Variants in TRDMT1 observed in about 807,000 individuals in gnomAD.
TRDMT1 encodes tRNA (cytosine(38)-C(5))-methyltransferase.
A neutral mutation model predicts 51.2 loss-of-function variants in TRDMT1; 49 were observed. The observed-to-expected ratio is 0.96, with a 90% CI of 0.76 to 1.21. TRDMT1 has a LOEUF of 1.21. TRDMT1 is among the 50% of genes most tolerant of loss of function. TRDMT1 has a pLI of 0.00. For synonymous variants in TRDMT1, 187 were observed against 164.6 expected, an observed-to-expected ratio of 1.14 and a Z score of -1.04; for missense variants, 534 against 462.3, an observed-to-expected ratio of 1.16 and a Z score of -1.42.
At chr10:17,189,949 G>A (rs1844467869) in intron 1 of TRDMT1, among the ~76,000 whole-genome samples, 1 of 152,034 alleles carries the variant, frequency 6.6e-6, no homozygotes, top group Non-Finnish European at 1.5e-5. Flanking sequence ...AATCAGTAAT[G>A]GATGCACAAG....
In TRDMT1 at chr10:17,174,622, C is replaced by T; in HGVS notation, c.103G>A (p.Val35Ile). ...TATACTTCATTAGCGACAGTGTTGA[C>T]ATCAATGGCAGCCACCACTTGTGCA... Reference protein sequence around the residue: ...IPAQVVAAIDVNTVANEVYKY... With the variant: ...IPAQVVAAIDINTVANEVYKY... Residue 35 changes from valine (V) to isoleucine (I), a missense_variant, in exon 2 of 11, where the codon GTC becomes ATC. By Grantham distance (29) the Val-to-Ile change is conservative (BLOSUM62 3). Transcript: ENST00000377799. The T allele has an allele frequency of 6.2e-7, 1 of 1,614,022 alleles. No individual in the cohort carries two copies. Among genetic ancestry groups the T allele is most frequent in the Non-Finnish European group, 8.5e-7 (1 of 1,179,972 alleles).
chr10:17,155,401 C>A (rs1839369817), intron 8 of TRDMT1, among the ~76,000 whole-genome samples: 1 of 152,078 alleles, frequency 6.6e-6, no homozygotes, highest in African/African-American at 2.4e-5. Context: ...GGCTCCCTTG[C>A]CACATTAACC....
intron 1 of TRDMT1, among the ~76,000 whole-genome samples, chr10:17,176,376 G>T (rs1842619416): frequency 6.6e-6 from 1 of 152,068 alleles, no homozygotes. Flanking sequence ...TGCTGAATCT[G>T]CACTGTAATC....
Position 17,148,209 on chromosome 10 carries a change from G to C in TRDMT1, c.*831C>G, listed in dbSNP as rs999044323. 5.1e-6 allele frequency: 5 copies of C among 985,264 alleles called. No homozygotes were observed. The African/African-American group carries it at 5.2e-5, about 10-fold the overall frequency. The allele number at this position is 985,264 out of a possible 1,614,324, so 61.0% of individuals were successfully genotyped here. A position where few individuals can be genotyped will look rare whatever the true frequency, so the allele number is the denominator to read the frequency against. On this transcript the variant is annotated 3_prime_UTR_variant, in exon 11 of 11. Coordinates refer to ENST00000377799, the MANE Select transcript of TRDMT1 (RefSeq NM_004412.7). Reference sequence around the variant, plus strand: ...ATGTTGCTACAATAAAGAACAACTGGGGGGAGGGGAGTACTGTCATATGAC... The same window carrying C: ...ATGTTGCTACAATAAAGAACAACTGCGGGGAGGGGAGTACTGTCATATGAC...
At chr10:17,198,071 A>G (rs1410096446) in intron 1 of TRDMT1, among the ~76,000 whole-genome samples, 1 of 152,122 alleles carries the variant, frequency 6.6e-6, no homozygotes, top group African/African-American at 2.4e-5. Flanking sequence ...GATGCTCAAC[A>G]TCTTTAGTTA....
chr10:17,142,930 G>A lies in TRDMT1; in HGVS notation c.*6110C>T. On this transcript the variant is annotated 3_prime_UTR_variant, in exon 11 of 11. Coordinates refer to ENST00000377799, the MANE Select transcript of TRDMT1 (RefSeq NM_004412.7). ...AGAGTTTATAATTACACTTTTCAGG[G>A]AGGAGCAGGGAGAAATAAATCTACA... 1.1e-6 allele frequency: 1 copy of A among 907,452 alleles called. No individual in the cohort carries two copies. The highest frequency in any genetic ancestry group is 5.1e-5 in the South Asian group (1 of 19,668). 56.2% of individuals were successfully genotyped at this position (907,452 alleles called of 1,614,324 possible).
In TRDMT1 at chr10:17,159,136, A is replaced by G. The variant is rs529381820; in HGVS notation, c.543+10T>C. The stretch of plus-strand genomic sequence containing the variant: ...CCATAATATTCATAATAAAATTCCA[A>G]TAATAATACCTGACCAGGGGCTTGA... On this transcript the variant is annotated intron_variant, in intron 7 of 10. Coordinates refer to ENST00000377799, the MANE Select transcript of TRDMT1 (RefSeq NM_004412.7). 3.2e-6 allele frequency: 5 copies of G among 1,542,674 alleles called. No individual in the cohort carries two copies. In the African/African-American group the frequency reaches 4.2e-5, roughly 13 times the overall value.
chr10:17,189,095 T>C (rs1193550485), intron 1 of TRDMT1, among the ~76,000 whole-genome samples: 2 of 152,132 alleles, frequency 1.3e-5, no homozygotes, highest in Admixed American at 6.5e-5. Flanking sequence ...AGTAATTGAG[T>C]AATATGAAGA....
chr10:17,148,718 C>T lies in TRDMT1; in HGVS notation c.*322G>A. 1 of 997,960 alleles carries T rather than the reference C, an allele frequency of 1.0e-6. No individual in the cohort carries two copies. The highest frequency in any genetic ancestry group is 1.2e-6 in the Non-Finnish European group (1 of 838,102). 61.8% of individuals were successfully genotyped at this position (997,960 alleles called of 1,614,324 possible). A position where few individuals can be genotyped will look rare whatever the true frequency, so the allele number is the denominator to read the frequency against. ...GCCTGTTATGACACTTCACAAGATA[C>T]TCATGTAGACACTAAAGCTCTAGTG... On this transcript the variant is annotated 3_prime_UTR_variant, in exon 11 of 11. Transcript: ENST00000377799.
At chr10:17,159,292 C>A in intron 6 of TRDMT1, 63 bp from the exon 7 acceptor site, 1 of 1,217,260 alleles carries the variant, frequency 8.2e-7, no homozygotes. Context: ...CCAACTTTAG[C>A]ACCAAGTTAA....
chr10:17,201,507 G>T, intron 1 of TRDMT1, 64 bp downstream of exon 1: 1 of 1,393,812 alleles, frequency 7.2e-7, no homozygotes, highest in South Asian at 1.3e-5. Context: ...GCCCCTTCCC[G>T]GCGCGGGTGC....
chr10:17,188,735 A>G (rs1376562541), intron 1 of TRDMT1, among the ~76,000 whole-genome samples: 1 of 152,220 alleles, frequency 6.6e-6, no homozygotes, highest in Non-Finnish European at 1.5e-5. Context: ...TCCTTCAGTC[A>G]GAGTTACTTG....
rs1157890558 is a variant in TRDMT1 at position 17,161,582 on chromosome 10, T to A, written c.324-34A>T. The A allele has an allele frequency of 5.5e-6, 6 of 1,088,710 alleles. No homozygotes were observed. In the East Asian group the frequency reaches 1.8e-4, roughly 32 times the overall value. The allele number at this position is 1,088,710 out of a possible 1,614,324, so 67.4% of individuals were successfully genotyped here. A position where few individuals can be genotyped will look rare whatever the true frequency, so the allele number is the denominator to read the frequency against. Reference sequence around the variant, plus strand: ...AAATAAACAAATGGAATTCTAAATATCTCATTACTAAGAAGAAAAAGTAAA... The same window carrying A: ...AAATAAACAAATGGAATTCTAAATAACTCATTACTAAGAAGAAAAAGTAAA... On this transcript the variant is annotated intron_variant, in intron 4 of 10. Coordinates refer to ENST00000377799, the MANE Select transcript of TRDMT1 (RefSeq NM_004412.7).
intron 1 of TRDMT1, among the ~76,000 whole-genome samples, chr10:17,183,291 A>G (rs190108969): frequency 2.6e-4 from 40 of 152,362 alleles, no homozygotes; most frequent in African/African-American, 9.1e-4. Context: ...CTTAAGACAG[A>G]GAAAACAGCC....
chr10:17,140,947 CTAA>C lies in TRDMT1; in HGVS notation c.*8090_*8092del, dbSNP rs1381610671. ...ATTCCATGTTAACTACCTGCTCGCCCTAATAATTGTAAAGAGCTGCATAGAGGT... is the reference window on the plus strand; with the variant it reads ...ATTCCATGTTAACTACCTGCTCGCCCTAATTGTAAAGAGCTGCATAGAGGT... On this transcript the variant is annotated 3_prime_UTR_variant, in exon 11 of 11. Coordinates refer to ENST00000377799, the MANE Select transcript of TRDMT1 (RefSeq NM_004412.7). Among the ~76,000 whole-genome samples, 1 of 152,070 alleles carries C rather than the reference CTAA, an allele frequency of 6.6e-6. No individual in the cohort carries two copies. Among genetic ancestry groups the C allele is most frequent in the Non-Finnish European group, 1.5e-5 (1 of 68,030 alleles).
In TRDMT1 at chr10:17,143,190, T is replaced by C; in HGVS notation, c.*5850A>G. ...GAACTCCACAGTGTGGTGCTTTCTA[T>C]GTAGCTTCAATATTGATTCCAGTAT... On this transcript the variant is annotated 3_prime_UTR_variant, in exon 11 of 11. Coordinates refer to ENST00000377799, the MANE Select transcript of TRDMT1 (RefSeq NM_004412.7). 1.0e-6 allele frequency: 1 copy of C among 985,462 alleles called. No homozygotes were observed. The highest frequency in any genetic ancestry group is 1.2e-6 in the Non-Finnish European group (1 of 829,934). 61.0% of individuals were successfully genotyped at this position (985,462 alleles called of 1,614,324 possible). A position where few individuals can be genotyped will look rare whatever the true frequency, so the allele number is the denominator to read the frequency against.
rs970179947 is a variant in TRDMT1, at chr10:17,146,049, A to G, written c.*2991T>C. On this transcript the variant is annotated 3_prime_UTR_variant, in exon 11 of 11. Coordinates refer to ENST00000377799, the MANE Select transcript of TRDMT1 (RefSeq NM_004412.7). ...GTTGAATTGCCTGCACTCATCTCTA[A>G]CCCCATCCAATTTTACATCCCACAT... The G allele has an allele frequency of 1.2e-5, 12 of 985,164 alleles. No individual in the cohort carries two copies. In the African/African-American group the frequency reaches 2.1e-4, roughly 17 times the overall value. 61.0% of individuals were successfully genotyped at this position (985,164 alleles called of 1,614,324 possible). A position where few individuals can be genotyped will look rare whatever the true frequency, so the allele number is the denominator to read the frequency against.
intron 7 of TRDMT1, 118 bp from the exon 8 acceptor site, chr10:17,157,902 A>G: frequency 1.4e-6 from 1 of 737,302 alleles, no homozygotes; most frequent in Non-Finnish European, 2.1e-6. Flanking sequence ...GTTGCCATTA[A>G]AAGATAGAAA....
chr10:17,186,406 G>A (rs1356556543), intron 1 of TRDMT1, among the ~76,000 whole-genome samples: 1 of 152,186 alleles, frequency 6.6e-6, no homozygotes, highest in East Asian at 1.9e-4. Flanking sequence ...ATCAGAGAAG[G>A]GGATTTGGAG....
Sources: gnomAD v4.1 joint callset for allele counts (sites outside exome capture counted in the v4.1 genomes callset) on GRCh38, gnomAD v4.1.1 for gene constraint, MANE v1.5 for transcripts, NCBI Gene and HGNC (gene_info 2026-07-23, HGNC 2026-07-21) for gene names.